The following PDE4D variants were observed in gnomAD, a reference collection of about 807,000 sequenced individuals.
PDE4D encodes 3',5'-cyclic-AMP phosphodiesterase 4D.
Under a neutral mutation model 87.4 loss-of-function variants are expected in PDE4D, and 24 were observed. The observed-to-expected ratio is 0.27, with a 90% CI of 0.20 to 0.39. The LOEUF (loss-of-function observed/expected upper bound fraction) is 0.39. Among genes scored for constraint, PDE4D ranks in the 10% least tolerant of loss-of-function variants. PDE4D has a pLI of 1.00. For missense variants in PDE4D, 714 were observed against 1,041.0 expected (o/e 0.69, Z 4.32); for synonymous variants, 384 against 383.2 (o/e 1.00, Z -0.02).
intron 1 of PDE4D, among the ~76,000 whole-genome samples, chr5:59,800,092 T>C (rs1421660708): frequency 6.6e-6 from 1 of 152,054 alleles, no homozygotes; most frequent in African/African-American, 2.4e-5. Context: ...CTGTGTTGAA[T>C]GAAGGGAGGT....
rs896446212 is a variant in PDE4D, at chr5:59,265,399, G to A, written c.456-49431C>T. Among the ~76,000 whole-genome samples, 7 of 151,794 alleles carry A rather than the reference G, an allele frequency of 4.6e-5. No homozygotes were observed. The East Asian group carries it at 5.8e-4, about 13-fold the overall frequency. ...GTCTTCTTTGAATCACACTATTAACGTGATTTATCTGGAATACCTAGCTCT... is the reference window on the plus strand; with the variant it reads ...GTCTTCTTTGAATCACACTATTAACATGATTTATCTGGAATACCTAGCTCT... On this transcript the variant is annotated intron_variant, in intron 1 of 14. Coordinates refer to ENST00000340635, the MANE Select transcript of PDE4D (RefSeq NM_001104631.2).
intron 3 of PDE4D, among the ~76,000 whole-genome samples, chr5:59,187,300 T>G (rs1049238642): frequency 1.3e-5 from 2 of 152,150 alleles, no homozygotes; most frequent in African/African-American, 4.8e-5. Flanking sequence ...GTTTTTAGTT[T>G]AAAATTTATG....
chr5:60,100,195 TTATGTA>T (rs1442075097), intron 2 of PDE4D, among the ~76,000 whole-genome samples: 8 of 151,898 alleles, frequency 5.3e-5, no homozygotes, highest in South Asian at 2.1e-4. Context: ...TGGAAGGAAA[TTATGTA>T]TATGTATATT....
intron 1 of PDE4D, among the ~76,000 whole-genome samples, chr5:59,479,530 C>T (rs1803884226): frequency 6.6e-6 from 1 of 152,048 alleles, no homozygotes; most frequent in African/African-American, 2.4e-5. Flanking sequence ...CTTGAGTCTG[C>T]ATATTTCAAA....
intron 1 of PDE4D, among the ~76,000 whole-genome samples, chr5:59,561,837 C>T (rs747766400): frequency 6.6e-6 from 1 of 151,830 alleles, no homozygotes; most frequent in African/African-American, 2.4e-5. Flanking sequence ...GAGGCTGAGG[C>T]CGGAGAATTG....
At chr5:59,639,098 T>C (rs993332573) in intron 1 of PDE4D, among the ~76,000 whole-genome samples, 1 of 152,198 alleles carries the variant, frequency 6.6e-6, no homozygotes, top group Non-Finnish European at 1.5e-5. Context: ...CAAATTTTTC[T>C]ATGCACATTA....
At chr5:59,422,954 T>C (rs1175913846) in intron 1 of PDE4D, among the ~76,000 whole-genome samples, 10 of 152,190 alleles carry the variant, frequency 6.6e-5, no homozygotes, top group Admixed American at 6.5e-4. Flanking sequence ...ACCTCAATGA[T>C]AAATAAGACA....
intron 1 of PDE4D, among the ~76,000 whole-genome samples, chr5:60,291,449 T>G (rs1209538432): frequency 1.3e-5 from 2 of 152,034 alleles, no homozygotes; most frequent in Non-Finnish European, 2.9e-5. Context: ...AAAATTTTAC[T>G]TTTCTAAATT....
At chr5:59,776,895 A>G (rs924825186) in intron 1 of PDE4D, among the ~76,000 whole-genome samples, 2 of 152,102 alleles carry the variant, frequency 1.3e-5, no homozygotes, top group Non-Finnish European at 2.9e-5. Flanking sequence ...TTTAAAAAAT[A>G]TATGGAGCTG....
At chr5:60,429,968 T>C (rs1744072300) in intron 1 of PDE4D, 4 of 518,884 alleles carry the variant, frequency 7.7e-6, no homozygotes. Flanking sequence ...GCAACCAAAG[T>C]ATAGAGCTTG....
chr5:59,201,691 A>G (rs1053477493), intron 2 of PDE4D, among the ~76,000 whole-genome samples: 8 of 152,204 alleles, frequency 5.3e-5, no homozygotes, highest in Non-Finnish European at 7.3e-5. Flanking sequence ...CAGTACATCT[A>G]TTTATGAAAC....
chr5:60,399,245 A>G (rs1395827913), intron 1 of PDE4D, among the ~76,000 whole-genome samples: 5 of 152,226 alleles, frequency 3.3e-5, no homozygotes, highest in African/African-American at 1.2e-4. Context: ...AGAAAGCTAT[A>G]AAGAAAAGGA....
chr5:60,076,690 T>TG (rs59856447), intron 2 of PDE4D, among the ~76,000 whole-genome samples: 152,302 of 152,308 alleles, frequency 1, 76,148 homozygotes, highest in Non-Finnish European at 1. Context: ...AGGAACCTGC[T>TG]CACTGGAGGG....
chr5:59,859,229 C>G (rs901631886), intron 1 of PDE4D, among the ~76,000 whole-genome samples: 11 of 152,160 alleles, frequency 7.2e-5, no homozygotes, highest in Admixed American at 5.2e-4. Flanking sequence ...GAAATTGCCA[C>G]TTAGTTGTTT....
intron 2 of PDE4D, among the ~76,000 whole-genome samples, chr5:60,077,844 C>T (rs1394883337): frequency 6.6e-6 from 1 of 152,152 alleles, no homozygotes; most frequent in Non-Finnish European, 1.5e-5. Context: ...GAGATCCATG[C>T]GAGAGTGGAT....
intron 1 of PDE4D, among the ~76,000 whole-genome samples, chr5:59,842,858 C>T (rs539422914): frequency 4.3e-4 from 66 of 151,986 alleles, no homozygotes; most frequent in African/African-American, 1.5e-3. Flanking sequence ...CTTTTGAATT[C>T]TGCTTTTTTC....
intron 1 of PDE4D, among the ~76,000 whole-genome samples, chr5:60,325,611 T>G (rs1002996287): frequency 6.6e-6 from 1 of 152,154 alleles, no homozygotes; most frequent in Non-Finnish European, 1.5e-5. Context: ...TATTTTTTAT[T>G]TTTTTATTTT....
At chr5:59,503,058 G>T (rs1808609103) in intron 1 of PDE4D, among the ~76,000 whole-genome samples, 1 of 152,038 alleles carries the variant, frequency 6.6e-6, no homozygotes, top group African/African-American at 2.4e-5. Context: ...CTTAGGTAAA[G>T]CATCAGAAAG....
chr5:59,358,604 C>G (rs1582144184), intron 1 of PDE4D, among the ~76,000 whole-genome samples: 1 of 152,092 alleles, frequency 6.6e-6, no homozygotes, highest in African/African-American at 2.4e-5. Flanking sequence ...TAGCACTGAG[C>G]TGAACAACTT....
Sources: allele counts gnomAD v4.1 joint callset (sites outside exome capture counted in the v4.1 genomes callset), GRCh38; gene constraint gnomAD v4.1.1; transcripts MANE v1.5; gene names NCBI Gene and HGNC (gene_info 2026-07-23, HGNC 2026-07-21).